ACBD3: variants seen among roughly 807,000 people sequenced by gnomAD.
ACBD3 encodes the protein Golgi resident protein GCP60.
Under a neutral mutation model 66.9 loss-of-function variants are expected in ACBD3, and 30 were observed. The observed-to-expected ratio is 0.45, with a 90% CI of 0.34 to 0.61. The LOEUF is 0.61. Ranked by LOEUF, ACBD3 falls within the 20% of genes least tolerant of loss-of-function variation. The pLI, the probability that ACBD3 is intolerant of heterozygous loss-of-function variation, is 0.02. For synonymous variants in ACBD3, 278 were observed against 259.8 expected (o/e 1.07, Z -0.68); for missense variants, 544 against 664.5 (o/e 0.82, Z 1.99).
At chr1:226,149,529 C>T (rs1321175756) in intron 7 of ACBD3, among the ~76,000 whole-genome samples, 281 of 29,494 alleles carry the variant, frequency 9.5e-3, no homozygotes, top group Admixed American at 0.013. Context: ...GCCCAGCCAT[C>T]TTTTTTTTTT....
At chr1:226,151,299 C>A (rs1285324056) in intron 7 of ACBD3, among the ~76,000 whole-genome samples, 1 of 152,222 alleles carries the variant, frequency 6.6e-6, no homozygotes, top group Non-Finnish European at 1.5e-5. Context: ...CTTTTCCATT[C>A]TCACAGGGCA....
At chr1:226,154,242 C>T (rs1429352575) in intron 6 of ACBD3, among the ~76,000 whole-genome samples, 1 of 151,444 alleles carries the variant, frequency 6.6e-6, no homozygotes, top group African/African-American at 2.4e-5. Context: ...TTTTGAGAGA[C>T]AGTCTTGCTT....
chr1:226,161,981 G>A (rs530516466), intron 3 of ACBD3, among the ~76,000 whole-genome samples: 3 of 152,208 alleles, frequency 2.0e-5, no homozygotes, highest in Admixed American at 2.0e-4. Context: ...TCTAATATAT[G>A]CTCACAGCAC....
Position 226,159,173 on chromosome 1 carries a change from G to C in ACBD3, c.903+11C>G, listed in dbSNP as rs1659726139. The C allele has an allele frequency of 6.2e-7, 1 of 1,613,400 alleles. No homozygotes were observed. The highest frequency in any genetic ancestry group is 1.1e-5 in the South Asian group (1 of 91,038). ...CTCTCTAAGGCTGAATTCTAGGGTT[G>C]TCTATCGTACCTGTTGCTGTGCAAG... On this transcript the variant is annotated intron_variant, in intron 5 of 7. Transcript: ENST00000366812.
chr1:226,159,273 G>C lies in ACBD3; in HGVS notation c.814C>G (p.Gln272Glu). 6.2e-7 allele frequency: 1 copy of C among 1,614,206 alleles called. No homozygotes were observed. Among genetic ancestry groups the C allele is most frequent in the Non-Finnish European group, 8.5e-7 (1 of 1,180,020 alleles). ...AACTGGCGGATGAGAATTTGCTGCT[G>C]TTCGTAGTTCCCTGGATACTGTTGG... ...AAQQYPGNYE[Q>E]QQILIRQLQE... Residue 272 changes from glutamine to glutamate, a missense_variant, in exon 5 of 8, where the codon CAG becomes GAG. Gln to Glu is a conservative substitution (Grantham distance 29). This residue lies in a region of ACBD3 where 383 missense variants were observed against 462.4 expected (regional missense o/e 0.83). Coordinates refer to ENST00000366812, the MANE Select transcript of ACBD3 (RefSeq NM_022735.4).
At position 226,144,919 on chromosome 1, in the gene ACBD3, G is replaced by T. The variant is rs1332472934; in HGVS notation, c.*1691C>A. On this transcript the variant is annotated 3_prime_UTR_variant, in exon 8 of 8. Transcript: ENST00000366812. ...TGCAAGGACAAATTTGTAATCAAAG[G>T]CTGGAAGAAATATATATTAGTGCCT... 6.6e-6 allele frequency: 1 copy of T among 152,508 alleles called. No individual in the cohort carries two copies. The highest frequency in any genetic ancestry group is 2.1e-4 in the South Asian group (1 of 4,814). The allele number at this position is 152,508 out of a possible 1,614,324, so 9.4% of individuals were successfully genotyped here.
rs577545559 is a variant in ACBD3, at chr1:226,165,936, C to T, written c.351G>A (p.Lys117=). The change falls in exon 2 of 8, where the codon AAG becomes AAA. Residue 117 remains lysine, a synonymous_variant. Transcript: ENST00000366812. ...GATTATATGGGCCCATAAGAACTTG[C>T]TTATGCAGTGCCACAAGCTTCAATT... is the stretch of plus-strand genomic sequence containing the variant. The part of the protein sequence containing the change: ...EEKLKLVALH[K]QVLMGPYNPD... 7 of 1,613,430 alleles carry T rather than the reference C, an allele frequency of 4.3e-6. No homozygotes were observed. The South Asian group carries it at 7.7e-5, about 18-fold the overall frequency.
intron 7 of ACBD3, among the ~76,000 whole-genome samples, chr1:226,149,789 G>A (rs372849216): frequency 6.6e-6 from 1 of 151,308 alleles, no homozygotes; most frequent in Non-Finnish European, 1.5e-5. Context: ...CAATCCATCC[G>A]CTTTGGCCTC....
At chr1:226,148,901 T>C (rs1208483083) in intron 7 of ACBD3, among the ~76,000 whole-genome samples, 1 of 152,214 alleles carries the variant, frequency 6.6e-6, no homozygotes, top group Non-Finnish European at 1.5e-5. Flanking sequence ...TTAGGAATGA[T>C]AAAGCTTCAC....
At chr1:226,173,755 T>C (rs1440236546) in intron 1 of ACBD3, among the ~76,000 whole-genome samples, 1 of 132,716 alleles carries the variant, frequency 7.5e-6, no homozygotes, top group Admixed American at 8.0e-5. Context: ...TTTTTTTCTT[T>C]TCTTTTTTTT....
At chr1:226,182,835 C>G in intron 1 of ACBD3, among the ~76,000 whole-genome samples, 1 of 152,200 alleles carries the variant, frequency 6.6e-6, no homozygotes. Context: ...CTTAACTCCT[C>G]TTTTGGACTC....
Position 226,167,722 on chromosome 1 carries a change from G to A in ACBD3, c.287-1722C>T, listed in dbSNP as rs572496321. Among the ~76,000 whole-genome samples, 8 of 152,272 alleles carry A rather than the reference G, an allele frequency of 5.3e-5. No homozygotes were observed. The South Asian group carries it at 8.3e-4, about 16-fold the overall frequency. On this transcript the variant is annotated intron_variant, in intron 1 of 7. Coordinates refer to ENST00000366812, the MANE Select transcript of ACBD3 (RefSeq NM_022735.4). ...CTTATATGTCTCATTCATGTATATA[G>A]TGGTGAAATAAAATCACTAATAAGT...
Position 226,146,527 on chromosome 1 carries a change from T to C in ACBD3, c.*83A>G. The C allele has an allele frequency of 8.4e-7, 1 of 1,188,810 alleles. No individual in the cohort carries two copies. Among genetic ancestry groups the C allele is most frequent in the South Asian group, 1.4e-5 (1 of 73,590 alleles). 73.6% of individuals were successfully genotyped at this position (1,188,810 alleles called of 1,614,324 possible). On this transcript the variant is annotated 3_prime_UTR_variant, in exon 8 of 8. Coordinates refer to ENST00000366812, the MANE Select transcript of ACBD3 (RefSeq NM_022735.4). ...TCAATAAGGTAAACTGTGACTCTAA[T>C]GCTCCACAAAAGTAAAAAGAAATTT... is the stretch of plus-strand genomic sequence containing the variant.
At chr1:226,170,248 C>G (rs1179147478) in intron 1 of ACBD3, among the ~76,000 whole-genome samples, 1 of 149,200 alleles carries the variant, frequency 6.7e-6, no homozygotes, top group African/African-American at 2.5e-5. Context: ...AGCTCTGCCT[C>G]CTGGGTTCAC....
At chr1:226,180,237 T>C (rs1178324987) in intron 1 of ACBD3, among the ~76,000 whole-genome samples, 1 of 151,764 alleles carries the variant, frequency 6.6e-6, no homozygotes, top group Non-Finnish European at 1.5e-5. Context: ...GGAAACACTC[T>C]GGGAATTGCC....
At chr1:226,162,988 A>ATGGG (rs1318136933) in intron 3 of ACBD3, among the ~76,000 whole-genome samples, 11 of 151,014 alleles carry the variant, frequency 7.3e-5, no homozygotes, top group Non-Finnish European at 4.4e-5. Context: ...TTTTGTAGAG[A>ATGGG]TGGGGTTTTG....
intron 7 of ACBD3, among the ~76,000 whole-genome samples, 195 bp from the exon 8 acceptor site, chr1:226,147,016 C>T (rs1184212028): frequency 1.3e-5 from 2 of 152,152 alleles, no homozygotes; most frequent in African/African-American, 2.4e-5. Context: ...CTCAGCTTCC[C>T]AAGTAGCTGG....
At chr1:226,164,388 T>A (rs193200374) in intron 3 of ACBD3, among the ~76,000 whole-genome samples, 1 of 152,018 alleles carries the variant, frequency 6.6e-6, no homozygotes, top group African/African-American at 2.4e-5. Context: ...CTATATAAGG[T>A]AGCATAGTTG....
chr1:226,151,627 A>G (rs925142562), intron 7 of ACBD3, among the ~76,000 whole-genome samples: 5 of 152,246 alleles, frequency 3.3e-5, no homozygotes, highest in African/African-American at 1.2e-4. Context: ...AAAAAATTTT[A>G]GAATAATGAC....
Sources: gnomAD v4.1 joint callset for allele counts (sites outside exome capture counted in the v4.1 genomes callset) on GRCh38, gnomAD v4.1.1 for gene constraint, gnomAD v4.1.1 regional missense constraint, MANE v1.5 for transcripts, NCBI Gene and HGNC (gene_info 2026-07-23, HGNC 2026-07-21) for gene names.